The following STXBP5L variants were observed in gnomAD, a reference collection of about 807,000 sequenced individuals.
STXBP5L encodes syntaxin-binding protein 5-like.
A neutral mutation model predicts 144.5 loss-of-function variants in STXBP5L; 65 were observed. That is an observed-to-expected ratio of 0.45 (90% CI 0.37 to 0.55). STXBP5L has a LOEUF of 0.55. Among genes scored for constraint, STXBP5L ranks in the 20% least tolerant of loss-of-function variants. The pLI, the probability that STXBP5L is intolerant of heterozygous loss-of-function variation, is 0.00. For synonymous variants in STXBP5L, 505 were observed against 469.6 expected, an observed-to-expected ratio of 1.08 and a Z score of -0.97; for missense variants, 1,298 against 1,405.5, an observed-to-expected ratio of 0.92 and a Z score of 1.22.
At chr3:120,909,882 T>C (rs1708737302) in intron 2 of STXBP5L, 115 bp downstream of exon 2, 12 of 1,121,942 alleles carry the variant, frequency 1.1e-5, no homozygotes, top group Non-Finnish European at 1.5e-5. Context: ...CATCAGAGTC[T>C]GCTGCAGAAA....
At chr3:121,383,435 C>T (rs2046362049) in intron 22 of STXBP5L, among the ~76,000 whole-genome samples, 2 of 152,006 alleles carry the variant, frequency 1.3e-5, no homozygotes, top group Non-Finnish European at 2.9e-5. Flanking sequence ...ATCAAATGTG[C>T]CACACTTATA....
At chr3:121,142,196 C>T (rs2045536748) in intron 7 of STXBP5L, among the ~76,000 whole-genome samples, 2 of 151,580 alleles carry the variant, frequency 1.3e-5, no homozygotes, top group South Asian at 4.2e-4. Context: ...GGTCTATCCA[C>T]CAAGAAGAAA....
intron 2 of STXBP5L, among the ~76,000 whole-genome samples, chr3:120,951,907 A>T (rs1025076857): frequency 1.4e-4 from 21 of 152,132 alleles, no homozygotes; most frequent in African/African-American, 5.1e-4. Flanking sequence ...AACCAATCCA[A>T]ATGTCCAACA....
chr3:121,401,098 G>C (rs12495471), intron 22 of STXBP5L, among the ~76,000 whole-genome samples: 120,118 of 152,002 alleles, frequency 0.79, 47,602 homozygotes, highest in East Asian at 0.89. Context: ...GAATAAATGA[G>C]AGCAATGGTT....
chr3:121,354,192 T>G (rs1264667355), intron 20 of STXBP5L, among the ~76,000 whole-genome samples: 1 of 152,198 alleles, frequency 6.6e-6, no homozygotes, highest in African/African-American at 2.4e-5. Context: ...AGGTGTCTAT[T>G]AGGTCTGTTT....
chr3:121,354,335 T>C (rs928172516), intron 20 of STXBP5L, among the ~76,000 whole-genome samples: 2 of 152,270 alleles, frequency 1.3e-5, no homozygotes, highest in Middle Eastern at 3.4e-3. Flanking sequence ...TGTATATCTC[T>C]AAGGACTTGC....
intron 3 of STXBP5L, among the ~76,000 whole-genome samples, chr3:121,003,199 A>C (rs1438095860): frequency 6.6e-6 from 1 of 152,174 alleles, no homozygotes; most frequent in East Asian, 1.9e-4. Flanking sequence ...CTATTTCTCC[A>C]CATCCTCTCC....
intron 3 of STXBP5L, among the ~76,000 whole-genome samples, chr3:121,000,564 A>G (rs950773758): frequency 3.3e-5 from 5 of 152,200 alleles, no homozygotes; most frequent in African/African-American, 1.2e-4. Flanking sequence ...TTCCTCCTGA[A>G]TCTTGATGAT....
chr3:121,130,247 C>A (rs1423510261), intron 7 of STXBP5L, among the ~76,000 whole-genome samples: 2 of 152,050 alleles, frequency 1.3e-5, no homozygotes, highest in African/African-American at 4.8e-5. Flanking sequence ...ATAGCAGTTA[C>A]TATCCATTTT....
chr3:120,975,694 T>G (rs1255451835), intron 3 of STXBP5L, among the ~76,000 whole-genome samples: 2 of 152,158 alleles, frequency 1.3e-5, no homozygotes, highest in African/African-American at 4.8e-5. Context: ...CATAGATAGC[T>G]CTTATTATTT....
At chr3:121,085,165 T>C (rs1046387767) in intron 5 of STXBP5L, among the ~76,000 whole-genome samples, 1 of 152,160 alleles carries the variant, frequency 6.6e-6, no homozygotes, top group Non-Finnish European at 1.5e-5. Flanking sequence ...ATTCTGTAGG[T>C]TTTCTGTTCA....
At chr3:121,381,651 G>A (rs1470666129) in intron 22 of STXBP5L, 119 bp downstream of exon 22, 6 of 1,294,302 alleles carry the variant, frequency 4.6e-6, no homozygotes, top group Middle Eastern at 2.2e-4. Flanking sequence ...TGCACAATGG[G>A]AACTATTAAG....
chr3:121,321,253 A>G (rs1462567395), intron 20 of STXBP5L, among the ~76,000 whole-genome samples: 1 of 151,994 alleles, frequency 6.6e-6, no homozygotes, highest in Non-Finnish European at 1.5e-5. Context: ...TTTTTTCCTT[A>G]TAACAGTTTT....
intron 2 of STXBP5L, among the ~76,000 whole-genome samples, chr3:120,919,955 T>C (rs1709282784): frequency 6.6e-6 from 1 of 151,814 alleles, no homozygotes; most frequent in South Asian, 2.1e-4. Context: ...CTACTATTTT[T>C]GAATTATTTT....
intron 9 of STXBP5L, among the ~76,000 whole-genome samples, chr3:121,187,518 C>A (rs1481932878): frequency 6.6e-6 from 1 of 150,636 alleles, no homozygotes; most frequent in Non-Finnish European, 1.5e-5. Flanking sequence ...TGTAACAAAC[C>A]TGCACATTGT....
rs72968070 is a variant in STXBP5L at position 121,307,179 on chromosome 3, G to A, written c.2111-11296G>A. ...ATAAGCAAACAGCAAAAACTGGAGA[G>A]GGGAGAGAGGAATCAGTCGTCAGTA... On this transcript the variant is annotated intron_variant, in intron 19 of 26. Coordinates refer to ENST00000471454, the MANE Select transcript of STXBP5L (RefSeq NM_001308330.2). 2.5e-3 allele frequency among the ~76,000 whole-genome samples: 381 copies of A among 152,270 alleles called. 2 individuals are homozygous for A. Among genetic ancestry groups the A allele is most frequent in the African/African-American group, 8.6e-3 (358 of 41,576 alleles).
chr3:121,263,073 G>A (rs1362558246), intron 18 of STXBP5L, among the ~76,000 whole-genome samples: 1 of 152,196 alleles, frequency 6.6e-6, no homozygotes, highest in Admixed American at 6.5e-5. Context: ...GGAGAGCTCT[G>A]GCTGGCATCT....
At chr3:121,016,702 T>A (rs898130822) in intron 3 of STXBP5L, among the ~76,000 whole-genome samples, 1 of 152,162 alleles carries the variant, frequency 6.6e-6, no homozygotes, top group South Asian at 2.1e-4. Context: ...CTATATTTGA[T>A]CTTTGAAAGA....
At chr3:121,018,853 A>G (rs1302568242) in intron 3 of STXBP5L, among the ~76,000 whole-genome samples, 1 of 152,198 alleles carries the variant, frequency 6.6e-6, no homozygotes, top group East Asian at 1.9e-4. Context: ...GAACATACCA[A>G]CAAAGACAAG....
Sources: gnomAD v4.1 joint callset for allele counts (sites outside exome capture counted in the v4.1 genomes callset) on GRCh38, gnomAD v4.1.1 for gene constraint, MANE v1.5 for transcripts, NCBI Gene and HGNC (gene_info 2026-07-23, HGNC 2026-07-21) for gene names.